The following DHRSX variants were observed in gnomAD, a reference collection of about 807,000 sequenced individuals.
DHRSX encodes polyprenol dehydrogenase.
A neutral mutation model predicts 34.0 loss-of-function variants in DHRSX; 31 were observed. The observed-to-expected ratio is 0.91, with a 90% CI of 0.69 to 1.23. The LOEUF (loss-of-function observed/expected upper bound fraction) is 1.23, where lower values mean the gene tolerates loss of function less well. Ranked by LOEUF, DHRSX falls within the 50% of genes most tolerant of loss-of-function variation. DHRSX has a pLI of 0.00. For missense variants in DHRSX, 414 were observed against 428.1 expected, an observed-to-expected ratio of 0.97 and a Z score of 0.29; for synonymous variants, 201 against 183.8, an observed-to-expected ratio of 1.09 and a Z score of -0.76.
At chrX:2,274,317 T>G (rs1298411341) in intron 4 of DHRSX, among the ~76,000 whole-genome samples, 9 of 152,032 alleles carry the variant, frequency 5.9e-5, no homozygotes, top group African/African-American at 1.4e-4. Context: ...GGACTACAGG[T>G]GTGAGCCACT....
At chrX:2,321,728 G>C (rs1287406722) in intron 3 of DHRSX, among the ~76,000 whole-genome samples, 3 of 150,478 alleles carry the variant, frequency 2.0e-5, no homozygotes, top group African/African-American at 7.5e-5. Context: ...CCCCATCTAT[G>C]GTCCAGTTAA....
chrX:2,391,982 T>G (rs2043340488), intron 3 of DHRSX, among the ~76,000 whole-genome samples: 1 of 152,094 alleles, frequency 6.6e-6, no homozygotes, highest in African/African-American at 2.4e-5. Flanking sequence ...CAGTGATTGC[T>G]ACACAGTCCA....
chrX:2,317,396 C>A (rs989881646), intron 3 of DHRSX, among the ~76,000 whole-genome samples: 1 of 151,662 alleles, frequency 6.6e-6, no homozygotes, highest in Non-Finnish European at 1.5e-5. Flanking sequence ...GGATTACAGG[C>A]ATGCAACGCC....
At chrX:2,496,222 G>T (rs762214281) in intron 1 of DHRSX, among the ~76,000 whole-genome samples, 1 of 151,794 alleles carries the variant, frequency 6.6e-6, no homozygotes, top group African/African-American at 2.4e-5. Context: ...TTTTTGAGAC[G>T]GAGTCTCGCC....
chrX:2,288,383 G>A (rs972530390), intron 4 of DHRSX, among the ~76,000 whole-genome samples: 2 of 152,108 alleles, frequency 1.3e-5, no homozygotes, highest in Admixed American at 6.6e-5. Context: ...TTACAGGCAT[G>A]CGCCACCATG....
At chrX:2,307,626 G>A (rs867501840) in intron 3 of DHRSX, among the ~76,000 whole-genome samples, 65 of 151,840 alleles carry the variant, frequency 4.3e-4, no homozygotes, top group African/African-American at 1.5e-3. Flanking sequence ...TTAGCCAGGC[G>A]TGGTGGCGGG....
Position 2,291,543 on chromosome X carries a change from A to T in DHRSX, c.347T>A (p.Phe116Tyr). 4 of 1,613,948 alleles carry T rather than the reference A, an allele frequency of 2.5e-6. No individual in the cohort carries two copies. Among genetic ancestry groups the T allele is most frequent in the Non-Finnish European group, 3.4e-6 (4 of 1,179,860 alleles). ...MTSIRQFVQK[F>Y]KMKKIPLHVL... ...ATGGAGAGGAATCTTCTTCATCTTG[A>T]ACTTCTGCACAAACTGCCGGATGGA... Residue 116 changes from phenylalanine (F) to tyrosine (Y), a missense_variant, in exon 4 of 7, where the codon TTC (phenylalanine) becomes TAC (tyrosine). Phe to Tyr is a conservative substitution (Grantham distance 22). Coordinates refer to ENST00000334651, the MANE Select transcript of DHRSX (RefSeq NM_145177.3).
intron 2 of DHRSX, among the ~76,000 whole-genome samples, chrX:2,410,108 C>T (rs2043607210): frequency 6.6e-6 from 1 of 152,004 alleles, no homozygotes; most frequent in Non-Finnish European, 1.5e-5. Context: ...GTCATTTTTT[C>T]AAATGTCTTT....
intron 1 of DHRSX, among the ~76,000 whole-genome samples, chrX:2,499,257 G>T (rs1194275479): frequency 6.6e-6 from 1 of 152,126 alleles, no homozygotes; most frequent in African/African-American, 2.4e-5. Flanking sequence ...GACATGCCAT[G>T]AAACTGTCTA....
intron 1 of DHRSX, among the ~76,000 whole-genome samples, chrX:2,469,193 A>C (rs1281864185): frequency 6.6e-6 from 1 of 151,978 alleles, no homozygotes; most frequent in Non-Finnish European, 1.5e-5. Context: ...CAGCCAAGGG[A>C]CGGCACTGAA....
intron 3 of DHRSX, among the ~76,000 whole-genome samples, chrX:2,371,570 A>G (rs867882740): frequency 4.3e-5 from 6 of 138,774 alleles, no homozygotes; most frequent in Non-Finnish European, 9.3e-5. Flanking sequence ...CCCTCCTTCC[A>G]TTACCATAGT....
chrX:2,290,668 C>T (rs1158268614), intron 4 of DHRSX, among the ~76,000 whole-genome samples: 1 of 152,122 alleles, frequency 6.6e-6, no homozygotes, highest in Non-Finnish European at 1.5e-5. Flanking sequence ...CTATTTATTT[C>T]CTCTCTGAAT....
intron 4 of DHRSX, 125 bp from the exon 5 acceptor site, chrX:2,267,072 A>G: frequency 1.1e-6 from 1 of 910,642 alleles, no homozygotes. Context: ...GCTGGCGGCC[A>G]TGTCTTCCTC....
chrX:2,403,251 C>T (rs1270398706), intron 3 of DHRSX, among the ~76,000 whole-genome samples: 2 of 152,238 alleles, frequency 1.3e-5, no homozygotes, highest in African/African-American at 4.8e-5. Flanking sequence ...CTATCAAATA[C>T]GAGACCTTAC....
intron 1 of DHRSX, among the ~76,000 whole-genome samples, chrX:2,429,123 G>A (rs2043885453): frequency 6.6e-6 from 1 of 152,134 alleles, no homozygotes; most frequent in African/African-American, 2.4e-5. Context: ...GTAACCTGAA[G>A]ATAGAACCTG....
rs1030456161 is a variant in DHRSX, at chrX:2,403,222, C to CTGTA, written c.286+5519_286+5522dup. Among the ~76,000 whole-genome samples the CTGTA allele has an allele frequency of 5.6e-4, 85 of 152,226 alleles. 1 individual carries two copies. Among genetic ancestry groups the CTGTA allele is most frequent in the African/African-American group, 1.9e-3 (79 of 41,562 alleles). On this transcript the variant is annotated intron_variant, in intron 3 of 6. Transcript: ENST00000334651. ...TAAATGGACCATGAAGGATTGTTGA[C>CTGTA]TGTAGTCACCCTTTTGTGCTATCAA...
In DHRSX at chrX:2,298,601, T is replaced by TACAC. The variant is rs747078260; in HGVS notation, c.287-7002_287-6999dup. 5.4e-4 allele frequency among the ~76,000 whole-genome samples: 71 copies of TACAC among 131,818 alleles called. 2 individuals carry two copies. Among genetic ancestry groups the TACAC allele is most frequent in the African/African-American group, 1.1e-3 (26 of 24,368 alleles). 86.5% of individuals were successfully genotyped at this position (131,818 alleles called of 152,430 possible). On this transcript the variant is annotated intron_variant, in intron 3 of 6. Coordinates refer to ENST00000334651, the MANE Select transcript of DHRSX (RefSeq NM_145177.3). ...AGCAGTTCTCCTGCAGGCGCGTGTG[T>TACAC]ACACACACACACACACACACACACA...
intron 3 of DHRSX, among the ~76,000 whole-genome samples, chrX:2,346,905 T>G (rs1160506899): frequency 2.6e-5 from 4 of 152,000 alleles, no homozygotes; most frequent in Admixed American, 2.0e-4. Context: ...AGGTGTTTGG[T>G]TTTCTGTCCT....
At chrX:2,295,925 A>T (rs923892168) in intron 3 of DHRSX, among the ~76,000 whole-genome samples, 37 of 152,120 alleles carry the variant, frequency 2.4e-4, no homozygotes, top group African/African-American at 8.5e-4. Context: ...TCCCATACGT[A>T]GCCCATTCTC....
Sources: gnomAD v4.1 joint callset for allele counts (sites outside exome capture counted in the v4.1 genomes callset) on GRCh38, gnomAD v4.1.1 for gene constraint, MANE v1.5 for transcripts, NCBI Gene and HGNC (gene_info 2026-07-23, HGNC 2026-07-21) for gene names.